CASD1: variants seen among roughly 807,000 people sequenced by gnomAD.
CASD1 encodes CAS1 domain sialic acid O acetyltransferase 1.
Under a neutral mutation model 100.0 loss-of-function variants are expected in CASD1, and 41 were observed. That is an observed-to-expected ratio of 0.41 (90% CI 0.32 to 0.53). The LOEUF is 0.53. Among genes scored for constraint, CASD1 ranks in the 20% least tolerant of loss-of-function variants. The pLI is 0.25. For missense variants in CASD1, 774 were observed against 948.7 expected (o/e 0.82, Z 2.42); for synonymous variants, 321 against 315.6 (o/e 1.02, Z -0.18).
At chr7:94,536,126 C>G (rs2116328649) in intron 8 of CASD1, among the ~76,000 whole-genome samples, 1 of 152,170 alleles carries the variant, frequency 6.6e-6, no homozygotes, top group East Asian at 1.9e-4. Context: ...GCTTGTAATC[C>G]CAGCTACTCG....
the CASD1 span, chr7:94,600,681 T>C: frequency 6.2e-7 from 1 of 1,613,744 alleles, no homozygotes; most frequent in Non-Finnish European, 8.5e-7. Context: ...TATAAGCAAG[T>C]ATTAGAAAAA....
the CASD1 span, among the ~76,000 whole-genome samples, chr7:94,609,091 C>T: frequency 2.6e-5 from 4 of 152,174 alleles, no homozygotes; most frequent in Admixed American, 2.6e-4. Flanking sequence ...TTAAAAATTT[C>T]TCTTCTGCAA....
chr7:94,595,765 C>G, the CASD1 span, among the ~76,000 whole-genome samples: 1 of 152,036 alleles, frequency 6.6e-6, no homozygotes, highest in African/African-American at 2.4e-5. Flanking sequence ...ACAATAAATT[C>G]CCTATTATCT....
intron 17 of CASD1, 128 bp from the exon 18 acceptor site, chr7:94,555,364 G>A (rs563843744): frequency 3.4e-6 from 3 of 884,750 alleles, no homozygotes; most frequent in East Asian, 5.3e-5. Context: ...CCAGTAGTGA[G>A]ACAGAATAAA....
the CASD1 span, among the ~76,000 whole-genome samples, chr7:94,577,032 G>T: frequency 1.3e-5 from 2 of 151,984 alleles, no homozygotes; most frequent in Non-Finnish European, 2.9e-5. Flanking sequence ...TATTTGTTGG[G>T]ATATTAGTCT....
the CASD1 span, among the ~76,000 whole-genome samples, chr7:94,604,693 C>A: frequency 1.3e-5 from 2 of 150,542 alleles, no homozygotes; most frequent in Non-Finnish European, 3.0e-5. Context: ...ATATCCTGTC[C>A]TACCTAAGAA....
At chr7:94,546,801 A>G (rs1795703437) in intron 12 of CASD1, among the ~76,000 whole-genome samples, 3 of 151,906 alleles carry the variant, frequency 2.0e-5, no homozygotes, top group Admixed American at 2.0e-4. Context: ...AACTTTGAAT[A>G]ATGAATAAGT....
chr7:94,587,921 AC>A, the CASD1 span: 1 of 1,450,714 alleles, frequency 6.9e-7, no homozygotes, highest in Non-Finnish European at 9.0e-7. Context: ...TAGTTTCCCT[AC>A]CACAATGCCG....
chr7:94,555,065 A>G (rs1401888763), intron 17 of CASD1, among the ~76,000 whole-genome samples: 1 of 152,130 alleles, frequency 6.6e-6, no homozygotes, highest in African/African-American at 2.4e-5. Context: ...CATAATATGA[A>G]ATTATCTACA....
chr7:94,610,331 G>A, the CASD1 span, among the ~76,000 whole-genome samples: 2 of 152,130 alleles, frequency 1.3e-5, no homozygotes, highest in African/African-American at 4.8e-5. Flanking sequence ...ACCGCCAAGA[G>A]TAACACCTAA....
At chr7:94,568,699 T>C in the CASD1 span, among the ~76,000 whole-genome samples, 3 of 152,170 alleles carry the variant, frequency 2.0e-5, no homozygotes, top group African/African-American at 7.2e-5. Flanking sequence ...AATGTGATGG[T>C]ATTTGGAGAT....
At chr7:94,546,747 G>A (rs866584480) in intron 12 of CASD1, among the ~76,000 whole-genome samples, 4 of 152,008 alleles carry the variant, frequency 2.6e-5, no homozygotes, top group African/African-American at 9.6e-5. Flanking sequence ...CAACAGGAGT[G>A]TTTGTTAGAA....
At chr7:94,600,412 T>C in the CASD1 span, 2 of 472,682 alleles carry the variant, frequency 4.2e-6, no homozygotes, top group Non-Finnish European at 7.6e-6. Flanking sequence ...CAGTGTGAAT[T>C]TACATCTAGC....
Position 94,533,654 on chromosome 7 carries a change from ATGCATAATTTGTACT to A in CASD1, c.505-23_505-9del. 1 of 1,551,944 alleles carries A rather than the reference ATGCATAATTTGTACT, an allele frequency of 6.4e-7. No individual in the cohort carries two copies. Among genetic ancestry groups the A allele is most frequent in the African/African-American group, 1.4e-5 (1 of 72,666 alleles). The stretch of plus-strand genomic sequence containing the variant: ...ATTGTTTGTGATAAATACTAAATTA[ATGCATAATTTGTACT>A]TCTTTTTAGTGGTCCATCAAGATTC... On this transcript the variant is annotated splice_polypyrimidine_tract_variant and intron_variant, in intron 6 of 17. Coordinates refer to ENST00000297273, the MANE Select transcript of CASD1 (RefSeq NM_022900.5).
At chr7:94,611,130 C>A in the CASD1 span, among the ~76,000 whole-genome samples, 2 of 152,156 alleles carry the variant, frequency 1.3e-5, no homozygotes, top group Non-Finnish European at 2.9e-5. Context: ...TATGACCCAG[C>A]AACTCGATTC....
chr7:94,512,866 A>G (rs1793784040), intron 1 of CASD1, among the ~76,000 whole-genome samples: 1 of 152,204 alleles, frequency 6.6e-6, no homozygotes, highest in African/African-American at 2.4e-5. Flanking sequence ...AATATGAAGC[A>G]TGACAGATTA....
At chr7:94,590,996 AAACTC>A in the CASD1 span, 33 of 152,324 alleles carry the variant, frequency 2.2e-4, no homozygotes, top group Non-Finnish European at 3.8e-4. Flanking sequence ...GGGAAATAAT[AAACTC>A]AACTCTAACA....
the CASD1 span, among the ~76,000 whole-genome samples, chr7:94,562,571 A>G: frequency 6.6e-6 from 1 of 152,274 alleles, no homozygotes; most frequent in South Asian, 2.1e-4. Flanking sequence ...AATAAGGCCG[A>G]AAGTTCTCCT....
At position 94,510,203 on chromosome 7, in the gene CASD1, C is replaced by T; in HGVS notation, c.119C>T (p.Ser40Phe). 2 of 1,508,678 alleles carry T rather than the reference C, an allele frequency of 1.3e-6. No individual in the cohort carries two copies. Among genetic ancestry groups the T allele is most frequent in the South Asian group, 1.2e-5 (1 of 80,208 alleles). 93.5% of individuals were successfully genotyped at this position (1,508,678 alleles called of 1,614,324 possible). A position where few individuals can be genotyped will look rare whatever the true frequency, so the allele number is the denominator to read the frequency against. The change falls in exon 1 of 18, where the codon TCC becomes TTC. Residue 40 changes from serine (S) to phenylalanine (F), a missense_variant. Coordinates refer to ENST00000297273, the MANE Select transcript of CASD1 (RefSeq NM_022900.5). ...VLLLAACHLASRRYRGNDSCE... is the reference protein window; with the variant it reads ...VLLLAACHLAFRRYRGNDSCE... ...CTGCTCGCAGCGTGCCACCTCGCCT[C>T]CCGCCGCTACCGAGGTGAGCGGGCC...
Sources: allele counts gnomAD v4.1 joint callset (sites outside exome capture counted in the v4.1 genomes callset), GRCh38; gene constraint gnomAD v4.1.1; transcripts MANE v1.5; gene names NCBI Gene and HGNC (gene_info 2026-07-23, HGNC 2026-07-21).